Variants in GLTP observed in about 807,000 individuals in gnomAD.
GLTP encodes the protein glycolipid transfer protein.
In GLTP, 22 loss-of-function variants were observed where a neutral mutation model predicts 24.0. The observed-to-expected ratio is 0.92, with a 90% CI of 0.65 to 1.31. The LOEUF (loss-of-function observed/expected upper bound fraction) is 1.31. Among genes scored for constraint, GLTP ranks in the 50% most tolerant of loss-of-function variants. The pLI is 0.00. For missense variants in GLTP, 224 were observed against 276.6 expected (o/e 0.81, Z 1.35); for synonymous variants, 92 against 115.9 (o/e 0.79, Z 1.33).
At chr12:109,879,358 G>C (rs1430308750) in intron 1 of GLTP, among the ~76,000 whole-genome samples, 1 of 152,134 alleles carries the variant, frequency 6.6e-6, no homozygotes, top group Non-Finnish European at 1.5e-5. Flanking sequence ...CAAAGGGCAG[G>C]GGCAGTGGTG....
chr12:109,854,156 C>T (rs983841951), intron 4 of GLTP, among the ~76,000 whole-genome samples: 5 of 151,788 alleles, frequency 3.3e-5, no homozygotes, highest in African/African-American at 9.6e-5. Flanking sequence ...CTCAGGAGTT[C>T]GAGACCAGCC....
rs114087592 is a variant in GLTP, at chr12:109,858,849, G to A, written c.104-108C>T. ...GGGTGGATTACATGGTGTGTCCCGGGGAGAGCTGAGTTGTTCTGGATGTTA... is the reference window on the plus strand; with the variant it reads ...GGGTGGATTACATGGTGTGTCCCGGAGAGAGCTGAGTTGTTCTGGATGTTA... On this transcript the variant is annotated intron_variant, in intron 1 of 4. Coordinates refer to ENST00000318348, the MANE Select transcript of GLTP (RefSeq NM_016433.4). The A allele has an allele frequency of 7.7e-6, 6 of 776,002 alleles. No individual in the cohort carries two copies. In the African/African-American group the frequency reaches 1.0e-4, roughly 13 times the overall value. 48.1% of individuals were successfully genotyped at this position (776,002 alleles called of 1,614,324 possible).
chr12:109,854,487 G>A (rs1892770873), intron 4 of GLTP, among the ~76,000 whole-genome samples: 2 of 152,064 alleles, frequency 1.3e-5, no homozygotes, highest in African/African-American at 2.4e-5. Context: ...TTTGAGTAGT[G>A]CCTATTTTAT....
At chr12:109,879,475 G>C (rs1179216209) in intron 1 of GLTP, among the ~76,000 whole-genome samples, 2 of 152,154 alleles carry the variant, frequency 1.3e-5, no homozygotes, top group Non-Finnish European at 2.9e-5. Flanking sequence ...AATGCGCCCA[G>C]GAACTTCCAC....
intron 1 of GLTP, among the ~76,000 whole-genome samples, chr12:109,867,686 TTC>T (rs1056245918): frequency 2.3e-4 from 35 of 152,174 alleles, no homozygotes; most frequent in Non-Finnish European, 4.4e-5. Context: ...TCACACTAAT[TTC>T]TCTTTTTTCT....
chr12:109,875,672 C>G, intron 1 of GLTP, among the ~76,000 whole-genome samples: 1 of 152,188 alleles, frequency 6.6e-6, no homozygotes, highest in Non-Finnish European at 1.5e-5. Context: ...AAGGGCTGGC[C>G]TCTAAGTGGA....
At chr12:109,862,164 CTGCGCCAGGGG>C in intron 1 of GLTP, among the ~76,000 whole-genome samples, 1 of 152,284 alleles carries the variant, frequency 6.6e-6, no homozygotes, top group East Asian at 1.9e-4. Flanking sequence ...CTCAGAGGTG[CTGCGCCAGGGG>C]TGCGGGCAAA....
At chr12:109,858,868 G>T in intron 1 of GLTP, 127 bp from the exon 2 acceptor site, 1 of 707,756 alleles carries the variant, frequency 1.4e-6, no homozygotes, top group Admixed American at 2.0e-5. Flanking sequence ...AGTTGTTCTG[G>T]ATGTTACTAA....
chr12:109,856,150 G>A (rs991996189), intron 3 of GLTP, among the ~76,000 whole-genome samples: 3 of 152,096 alleles, frequency 2.0e-5, no homozygotes, highest in Non-Finnish European at 2.9e-5. Context: ...AAGGGTTCGC[G>A]GACCACAGAC....
intron 1 of GLTP, among the ~76,000 whole-genome samples, chr12:109,877,189 A>T (rs576084620): frequency 8.5e-5 from 13 of 152,222 alleles, no homozygotes; most frequent in South Asian, 4.1e-4. Context: ...GATGTAAATG[A>T]GTTTGGAAGG....
rs563592325 is a variant in GLTP at position 109,869,261 on chromosome 12, G to A, written c.104-10520C>T. Among the ~76,000 whole-genome samples, 126 of 125,308 alleles carry A rather than the reference G, an allele frequency of 1.0e-3. 1 individual carries two copies. The highest frequency in any genetic ancestry group is 6.9e-3 in the Middle Eastern group (1 of 144). The allele number at this position is 125,308 out of a possible 152,430, so 82.2% of individuals were successfully genotyped here. ...GTTGCAGTGAGCCAAGATTGATTGC[G>A]CCACTGCAATCCAGCCTGGGCGACA... On this transcript the variant is annotated intron_variant, in intron 1 of 4. Coordinates refer to ENST00000318348, the MANE Select transcript of GLTP (RefSeq NM_016433.4).
chr12:109,855,422 G>A lies in GLTP; in HGVS notation c.447+197C>T, dbSNP rs982839049. ...AGCTACAGTGACACCCGCTGCAGCT[G>A]TGAATGGGGCTGGCCAAGGGCACGG... On this transcript the variant is annotated intron_variant, in intron 4 of 4. Transcript: ENST00000318348. This position sits in a 1 kb window ranked among gnomAD's most constrained non-coding sequence, Gnocchi z 4.1. Among the ~76,000 whole-genome samples, 2 of 152,204 alleles carry A rather than the reference G, an allele frequency of 1.3e-5. No individual in the cohort carries two copies. The highest frequency in any genetic ancestry group is 4.8e-5 in the African/African-American group (2 of 41,456).
At chr12:109,858,274 C>G (rs770808929) in intron 2 of GLTP, 1 of 457,938 alleles carries the variant, frequency 2.2e-6, no homozygotes, top group Admixed American at 2.4e-5. Flanking sequence ...TGTCCCAAGC[C>G]CTTGGCTGGG....
chr12:109,871,767 G>T lies in GLTP; in HGVS notation c.103+8505C>A, dbSNP rs192270158. Among the ~76,000 whole-genome samples, 18 of 152,338 alleles carry T rather than the reference G, an allele frequency of 1.2e-4. 1 individual carries two copies. Among genetic ancestry groups the T allele is most frequent in the Admixed American group, 7.2e-4 (11 of 15,296 alleles). ...ATGCTAGTTATGATCACGGTCATAC[G>T]TTATATTTTATAAAGCCCTTTGTCA... On this transcript the variant is annotated intron_variant, in intron 1 of 4. Coordinates refer to ENST00000318348, the MANE Select transcript of GLTP (RefSeq NM_016433.4).
chr12:109,873,376 T>C (rs1868786745), intron 1 of GLTP, among the ~76,000 whole-genome samples: 1 of 152,062 alleles, frequency 6.6e-6, no homozygotes, highest in African/African-American at 2.4e-5. Context: ...AGCTCACGCC[T>C]GTAATCCCAG....
Position 109,880,247 on chromosome 12 carries a change from G to T in GLTP, c.103+25C>A. On this transcript the variant is annotated intron_variant, in intron 1 of 4. Coordinates refer to ENST00000318348, the MANE Select transcript of GLTP (RefSeq NM_016433.4). The surrounding 1 kb of genome is among the most constrained non-coding windows in gnomAD (Gnocchi z 5.1). Reference sequence around the variant, plus strand: ...TCGGGTGCGCGTGGGGCTGCGGGCCGCCTCCCCCCTCCATTCCGGCTCACC... The same window carrying T: ...TCGGGTGCGCGTGGGGCTGCGGGCCTCCTCCCCCCTCCATTCCGGCTCACC... The T allele has an allele frequency of 7.0e-7, 1 of 1,420,216 alleles. No homozygotes were observed. Among genetic ancestry groups the T allele is most frequent in the Non-Finnish European group, 9.8e-7 (1 of 1,017,218 alleles). 88.0% of individuals were successfully genotyped at this position (1,420,216 alleles called of 1,614,324 possible).
chr12:109,856,931 G>A (rs1408967209), intron 3 of GLTP, among the ~76,000 whole-genome samples: 1 of 152,188 alleles, frequency 6.6e-6, no homozygotes, highest in Non-Finnish European at 1.5e-5. Context: ...CTATTCAGGA[G>A]GCTGAGGCAG....
At chr12:109,866,869 C>T (rs532653965) in intron 1 of GLTP, among the ~76,000 whole-genome samples, 1 of 151,620 alleles carries the variant, frequency 6.6e-6, no homozygotes. Context: ...AAGCAATCCT[C>T]CCACCTCAGC....
Position 109,857,684 on chromosome 12 carries a change from C to A in GLTP, c.163-25G>T, listed in dbSNP as rs1325238509. 6.2e-7 allele frequency: 1 copy of A among 1,613,972 alleles called. No homozygotes were observed. The highest frequency in any genetic ancestry group is 1.1e-5 in the South Asian group (1 of 91,078). On this transcript the variant is annotated intron_variant, in intron 2 of 4. Coordinates refer to ENST00000318348, the MANE Select transcript of GLTP (RefSeq NM_016433.4). The surrounding 1 kb of genome is among the most constrained non-coding windows in gnomAD (Gnocchi z 4.3). ...TCTGAAATGGAGCACACAAGATTTC[C>A]CCTTGGGTAAGCTGCCCCCATAGAC...
Sources: gnomAD v4.1 joint callset for allele counts (sites outside exome capture counted in the v4.1 genomes callset) on GRCh38, gnomAD v4.1.1 for gene constraint, Gnocchi (gnomAD v3.1) non-coding constraint, MANE v1.5 for transcripts, NCBI Gene and HGNC (gene_info 2026-07-23, HGNC 2026-07-21) for gene names.